PRH1: variants seen among roughly 807,000 people sequenced by gnomAD.
PRH1 encodes proline rich protein HaeIII subfamily 1.
Under a neutral mutation model 7.9 loss-of-function variants are expected in PRH1, and 7 were observed. The ratio of observed to expected loss-of-function variants is 0.89; its 90% CI spans 0.50 to 1.67. The LOEUF is 1.67. Among genes scored for constraint, PRH1 ranks in the 40% most tolerant of loss-of-function variants. The pLI is 0.00. For synonymous variants in PRH1, 45 were observed against 80.8 expected (o/e 0.56, Z 2.38); for missense variants, 109 against 223.6 (o/e 0.49, Z 3.27).
chr12:10,974,798 A>G (rs551829895), intron 1 of PRH1, among the ~76,000 whole-genome samples: 1 of 152,318 alleles, frequency 6.6e-6, no homozygotes, highest in African/African-American at 2.4e-5. Context: ...CCAGGCTGAA[A>G]AGGCAGAAAT....
intron 1 of PRH1, among the ~76,000 whole-genome samples, chr12:11,027,518 T>C (rs1231763862): frequency 4.6e-5 from 7 of 152,248 alleles, no homozygotes; most frequent in Non-Finnish European, 4.4e-5. Flanking sequence ...TTCCTATCAC[T>C]ACAAAAGAGA....
At chr12:10,923,548 C>T (rs1950081926) in intron 2 of PRH1, among the ~76,000 whole-genome samples, 1 of 152,176 alleles carries the variant, frequency 6.6e-6, no homozygotes, top group South Asian at 2.1e-4. Flanking sequence ...CAAATATAAA[C>T]AAGCAATTGA....
At chr12:11,120,273 T>G (rs937942463), downstream of PRH1, among the ~76,000 whole-genome samples, 3 of 152,218 alleles carry the variant, frequency 2.0e-5, no homozygotes, top group Non-Finnish European at 4.4e-5. Flanking sequence ...CTGTCCTCAC[T>G]GTGCTTGATG....
rs749586928 is a variant in PRH1 at position 11,092,184 on chromosome 12, T to C, written n.124-44996A>G. 5 of 1,350,698 alleles carry C rather than the reference T, an allele frequency of 3.7e-6. No individual in the cohort carries two copies. In the African/African-American group the frequency reaches 4.5e-5, roughly 12 times the overall value. The allele number at this position is 1,350,698 out of a possible 1,614,324, so 83.7% of individuals were successfully genotyped here. A position where few individuals can be genotyped will look rare whatever the true frequency, so the allele number is the denominator to read the frequency against. ...TTAGCAAAATTTCCAATAACAAATGTAACCACTACCAGACTGGAAAAAATG... is the reference window on the plus strand; with the variant it reads ...TTAGCAAAATTTCCAATAACAAATGCAACCACTACCAGACTGGAAAAAATG... On this transcript the variant is annotated intron_variant and non_coding_transcript_variant, in intron 1 of 4. Coordinates refer to the PRH1 transcript ENST00000541977.
At chr12:11,099,627 G>A (rs1945173493) in intron 1 of PRH1, among the ~76,000 whole-genome samples, 1 of 152,156 alleles carries the variant, frequency 6.6e-6, no homozygotes, top group Non-Finnish European at 1.5e-5. Context: ...AACCCTGGAG[G>A]TGGAGGTTGC....
chr12:11,042,483 G>GT (rs1391504761), intron 1 of PRH1, among the ~76,000 whole-genome samples: 1 of 75,846 alleles, frequency 1.3e-5, no homozygotes, highest in Non-Finnish European at 2.6e-5. Flanking sequence ...ATGTCTCCCA[G>GT]TTTAAAAAAA....
intron 2 of PRH1, among the ~76,000 whole-genome samples, chr12:10,969,480 G>A (rs1354740052): frequency 6.6e-6 from 1 of 152,126 alleles, no homozygotes; most frequent in African/African-American, 2.4e-5. Context: ...GAATTTCCCA[G>A]CCTCCTGCTC....
chr12:11,088,579 TA>T (rs1240067130), intron 1 of PRH1, among the ~76,000 whole-genome samples: 1 of 111,684 alleles, frequency 9.0e-6, no homozygotes, highest in Admixed American at 9.2e-5. Flanking sequence ...GCTCTCTCTA[TA>T]AATTTCCTAT....
chr12:11,170,673 T>G (rs1337481774), intron 1 of PRH1, among the ~76,000 whole-genome samples: 1 of 152,256 alleles, frequency 6.6e-6, no homozygotes, highest in African/African-American at 2.4e-5. Flanking sequence ...TAATCTGAAC[T>G]TTTTAAGGGT....
At chr12:10,982,893 G>A (rs1482938593) in intron 1 of PRH1, among the ~76,000 whole-genome samples, 1 of 151,174 alleles carries the variant, frequency 6.6e-6, no homozygotes, top group East Asian at 1.9e-4. Flanking sequence ...ATCACTAAAA[G>A]GGAAATACAG....
intron 2 of PRH1, among the ~76,000 whole-genome samples, chr12:10,917,258 G>C (rs926434324): frequency 7.9e-5 from 12 of 151,812 alleles, no homozygotes; most frequent in Admixed American, 3.9e-4. Flanking sequence ...CTCTATACCT[G>C]GCTTCTCTTC....
intron 1 of PRH1, among the ~76,000 whole-genome samples, chr12:11,098,965 T>C (rs1329195822): frequency 6.6e-6 from 1 of 152,174 alleles, no homozygotes; most frequent in African/African-American, 2.4e-5. Context: ...AGCCCAAGAA[T>C]AATATTTATT....
intron 2 of PRH1, among the ~76,000 whole-genome samples, chr12:10,936,198 A>G (rs1349084805): frequency 6.6e-6 from 1 of 151,026 alleles, no homozygotes; most frequent in Non-Finnish European, 1.5e-5. Flanking sequence ...AAAACTTACT[A>G]CTGGGGAAGA....
chr12:11,144,781 T>C (rs1946815443), intron 1 of PRH1, among the ~76,000 whole-genome samples: 1 of 152,256 alleles, frequency 6.6e-6, no homozygotes, highest in Non-Finnish European at 1.5e-5. Context: ...CCCTGCTTCC[T>C]CTACCCCTGC....
intron 2 of PRH1, among the ~76,000 whole-genome samples, chr12:10,911,431 A>G (rs1260611215): frequency 2.6e-5 from 4 of 152,198 alleles, no homozygotes; most frequent in Non-Finnish European, 5.9e-5. Flanking sequence ...TCTCACTTCT[A>G]TAAGAGAAAG....
chr12:11,071,627 G>A (rs1401476386), intron 1 of PRH1, among the ~76,000 whole-genome samples: 1 of 152,302 alleles, frequency 6.6e-6, no homozygotes, highest in East Asian at 1.9e-4. Flanking sequence ...TAATGGTGTT[G>A]ACTCAAAGTT....
At chr12:11,069,008 C>T (rs796535110) in intron 1 of PRH1, among the ~76,000 whole-genome samples, 4,112 of 90,826 alleles carry the variant, frequency 0.045, no homozygotes, top group East Asian at 0.31. Flanking sequence ...CTCTACAGCT[C>T]CCAGCCTCAA....
At position 11,021,809 on chromosome 12, in the gene PRH1, G is replaced by A. The variant is rs200427244; in HGVS notation, c.-126+25211C>T. On this transcript the variant is annotated intron_variant, in intron 1 of 3. Coordinates refer to the PRH1 transcript ENST00000539853. ...AGCAGGAGTACAAGTTTGCTCTGCT[G>A]TGTCCTAAGATTCCAAGTTGATGTG... is the stretch of plus-strand genomic sequence containing the variant. 2.8e-5 allele frequency: 45 copies of A among 1,614,142 alleles called. No homozygotes were observed. The Middle Eastern group carries it at 4.9e-4, about 18-fold the overall frequency.
chr12:10,883,162 T>A, intron 1 of PRH1, 66 bp from the exon 2 acceptor site: 1 of 1,559,298 alleles, frequency 6.4e-7, no homozygotes. Flanking sequence ...CATAGTGTTC[T>A]ACGAGGATAA....
Sources: allele counts gnomAD v4.1 joint callset (sites outside exome capture counted in the v4.1 genomes callset), GRCh38; gene constraint gnomAD v4.1.1; transcripts MANE v1.5; gene names NCBI Gene and HGNC (gene_info 2026-07-23, HGNC 2026-07-21).